GALNT13: variants seen among roughly 807,000 people sequenced by gnomAD.
The protein encoded by GALNT13 is UDP-GalNAc:polypeptide N-acetylgalactosaminyltransferase 13.
In GALNT13, 28 loss-of-function variants were observed where a neutral mutation model predicts 64.2. The observed-to-expected ratio is 0.44, with a 90% CI of 0.32 to 0.60. The LOEUF is 0.60. Among genes scored for constraint, GALNT13 ranks in the 20% least tolerant of loss-of-function variants. The pLI is 0.05. For missense variants in GALNT13, 577 were observed against 669.8 expected, an observed-to-expected ratio of 0.86 and a Z score of 1.53; for synonymous variants, 214 against 224.6, an observed-to-expected ratio of 0.95 and a Z score of 0.42.
the GALNT13 span, among the ~76,000 whole-genome samples, chr2:153,212,864 C>A: frequency 6.6e-6 from 1 of 152,144 alleles, no homozygotes; most frequent in Non-Finnish European, 1.5e-5. Flanking sequence ...AGAGATAAGG[C>A]ATTTGTGGGA....
At chr2:153,363,940 G>T in the GALNT13 span, among the ~76,000 whole-genome samples, 1 of 152,148 alleles carries the variant, frequency 6.6e-6, no homozygotes, top group Middle Eastern at 3.4e-3. Flanking sequence ...AACAAAAAAA[G>T]AAAACTTCAG....
At chr2:153,456,222 G>A in the GALNT13 span, among the ~76,000 whole-genome samples, 1 of 152,164 alleles carries the variant, frequency 6.6e-6, no homozygotes, top group Non-Finnish European at 1.5e-5. Context: ...TTGGCTTGAG[G>A]GTGGAGTTTC....
the GALNT13 span, among the ~76,000 whole-genome samples, chr2:153,211,431 C>T: frequency 6.6e-6 from 1 of 152,144 alleles, no homozygotes; most frequent in Non-Finnish European, 1.5e-5. Context: ...GTGTGAGCCA[C>T]CGCACCCAGC....
chr2:154,428,859 G>A (rs2105443120), intron 11 of GALNT13, among the ~76,000 whole-genome samples: 1 of 151,398 alleles, frequency 6.6e-6, no homozygotes, highest in Admixed American at 6.6e-5. Flanking sequence ...TCTGCTCACT[G>A]CAAGCTCCGC....
intron 2 of GALNT13, among the ~76,000 whole-genome samples, chr2:153,908,999 A>G (rs1038188430): frequency 2.0e-5 from 3 of 152,076 alleles, no homozygotes; most frequent in African/African-American, 7.2e-5. Flanking sequence ...GGCCATTTTA[A>G]TGATATTGAT....
At chr2:153,658,004 G>A in the GALNT13 span, among the ~76,000 whole-genome samples, 2 of 152,030 alleles carry the variant, frequency 1.3e-5, no homozygotes, top group Admixed American at 6.6e-5. Context: ...TTTAAAGAAC[G>A]TGTTTGTAGT....
At chr2:154,081,875 G>C (rs1237250942) in intron 3 of GALNT13, among the ~76,000 whole-genome samples, 1 of 151,652 alleles carries the variant, frequency 6.6e-6, no homozygotes, top group Non-Finnish European at 1.5e-5. Context: ...TGAGCCTTGG[G>C]TTTTCATAGT....
chr2:153,468,916 T>G, the GALNT13 span, among the ~76,000 whole-genome samples: 3 of 152,050 alleles, frequency 2.0e-5, no homozygotes. Flanking sequence ...AAACACTGAC[T>G]GAGGAAATTA....
At chr2:153,832,691 C>A in the GALNT13 span, among the ~76,000 whole-genome samples, 1 of 152,104 alleles carries the variant, frequency 6.6e-6, no homozygotes, top group Admixed American at 6.5e-5. Context: ...GTAGAAGGAG[C>A]ACTTCTGCTA....
chr2:153,988,645 G>T (rs1335864073), intron 3 of GALNT13, among the ~76,000 whole-genome samples: 1 of 151,954 alleles, frequency 6.6e-6, no homozygotes, highest in African/African-American at 2.4e-5. Flanking sequence ...CATTGACGGT[G>T]ATTATAAGTA....
At chr2:153,910,105 T>G (rs1201986393) in intron 2 of GALNT13, among the ~76,000 whole-genome samples, 1 of 152,010 alleles carries the variant, frequency 6.6e-6, no homozygotes, top group Non-Finnish European at 1.5e-5. Context: ...TATTACTGAT[T>G]CAATTTCAGA....
chr2:154,135,322 A>G (rs1558978362), intron 3 of GALNT13, among the ~76,000 whole-genome samples: 4 of 152,172 alleles, frequency 2.6e-5, no homozygotes, highest in African/African-American at 9.6e-5. Context: ...TCTCTTAGCT[A>G]GCTGATGTAA....
intron 6 of GALNT13, among the ~76,000 whole-genome samples, chr2:154,243,491 C>T (rs1689608550): frequency 6.6e-6 from 1 of 152,026 alleles, no homozygotes; most frequent in Non-Finnish European, 1.5e-5. Flanking sequence ...AAAAAAGAAA[C>T]ATAAGAGCAC....
chr2:153,977,408 C>T (rs1388325271), intron 3 of GALNT13, among the ~76,000 whole-genome samples: 1 of 152,072 alleles, frequency 6.6e-6, no homozygotes, highest in African/African-American at 2.4e-5. Flanking sequence ...GAAAGGGAAG[C>T]AAACACATCC....
At chr2:153,364,992 C>T in the GALNT13 span, among the ~76,000 whole-genome samples, 1 of 152,060 alleles carries the variant, frequency 6.6e-6, no homozygotes, top group African/African-American at 2.4e-5. Context: ...CTTCAAACTA[C>T]ACTGGAAGCC....
chr2:153,922,157 T>C lies in GALNT13; in HGVS notation c.-105+21150T>C, dbSNP rs560532517. Among the ~76,000 whole-genome samples, 8 of 152,190 alleles carry C rather than the reference T, an allele frequency of 5.3e-5. No homozygotes were observed. The East Asian group carries it at 1.6e-3, about 29-fold the overall frequency. ...TTCTGCTGGAGTAGAGCTGAATGGATGTGGGAAATCAGAGAATTTTTGTAC... is the reference window on the plus strand; with the variant it reads ...TTCTGCTGGAGTAGAGCTGAATGGACGTGGGAAATCAGAGAATTTTTGTAC... On this transcript the variant is annotated intron_variant, in intron 2 of 12. Coordinates refer to ENST00000392825, the MANE Select transcript of GALNT13 (RefSeq NM_052917.4).
At chr2:154,296,503 C>G (rs1359090868) in intron 8 of GALNT13, among the ~76,000 whole-genome samples, 1 of 152,132 alleles carries the variant, frequency 6.6e-6, no homozygotes, top group African/African-American at 2.4e-5. Context: ...GCCTCTTTAC[C>G]AAACACCTTG....
chr2:154,212,542 C>T (rs958471279), intron 4 of GALNT13, among the ~76,000 whole-genome samples: 1 of 152,120 alleles, frequency 6.6e-6, no homozygotes, highest in African/African-American at 2.4e-5. Flanking sequence ...CTGTGCCCAG[C>T]CCAGGCAATT....
chr2:154,270,144 C>T (rs1179842074), intron 8 of GALNT13, among the ~76,000 whole-genome samples: 3 of 151,348 alleles, frequency 2.0e-5, no homozygotes, highest in Admixed American at 6.6e-5. Flanking sequence ...ATTAACAAAA[C>T]TTGTATTGCT....
Sources: gnomAD v4.1 joint callset for allele counts (sites outside exome capture counted in the v4.1 genomes callset) on GRCh38, gnomAD v4.1.1 for gene constraint, MANE v1.5 for transcripts, NCBI Gene and HGNC (gene_info 2026-07-23, HGNC 2026-07-21) for gene names.